The following CAMK2B variants were observed in gnomAD, a reference collection of about 807,000 sequenced individuals.
CAMK2B encodes the protein calcium/calmodulin dependent protein kinase II beta, also known as calcium/calmodulin-dependent protein kinase type II subunit beta.
In CAMK2B, 27 loss-of-function variants were observed where a neutral mutation model predicts 93.7. That is an observed-to-expected ratio of 0.29 (90% CI 0.21 to 0.40). CAMK2B has a LOEUF of 0.40. CAMK2B is among the 10% of genes least tolerant of loss of function. The pLI, the probability that CAMK2B is intolerant of heterozygous loss-of-function variation, is 1.00. For missense variants in CAMK2B, 568 were observed against 895.8 expected (o/e 0.63, Z 4.67); for synonymous variants, 374 against 358.8 (o/e 1.04, Z -0.48).
rs566497132 is a variant in CAMK2B at position 44,286,757 on chromosome 7, G to A, written c.66-2532C>T. Reference sequence around the variant, plus strand: ...TAGGTCGGAGCAGTCAGCAATCGGGGAAGGCGGGGGCAGGGAACACAGGTA... The same window carrying A: ...TAGGTCGGAGCAGTCAGCAATCGGGAAAGGCGGGGGCAGGGAACACAGGTA... On this transcript the variant is annotated intron_variant, in intron 1 of 23. Coordinates refer to ENST00000395749, the MANE Select transcript of CAMK2B (RefSeq NM_001220.5). This position sits in a 1 kb window ranked among gnomAD's most constrained non-coding sequence, Gnocchi z 4.0. Among the ~76,000 whole-genome samples the A allele has an allele frequency of 5.9e-5, 9 of 152,240 alleles. No individual in the cohort carries two copies. Among genetic ancestry groups the A allele is most frequent in the Non-Finnish European group, 1.2e-4 (8 of 68,038 alleles).
Position 44,271,434 on chromosome 7 carries a change from C to A in CAMK2B, c.161-8370G>T, listed in dbSNP as rs2096973415. On this transcript the variant is annotated intron_variant, in intron 2 of 23. Transcript: ENST00000395749. This position sits in a 1 kb window ranked among gnomAD's most constrained non-coding sequence, Gnocchi z 4.2. ...CCAGAACCTGATAGGACATCCTGGG[C>A]CTTGACACCAGGCCAGTGGGGTCTG... 6.6e-6 allele frequency among the ~76,000 whole-genome samples: 1 copy of A among 152,184 alleles called. No homozygotes were observed. Among genetic ancestry groups the A allele is most frequent in the Non-Finnish European group, 1.5e-5 (1 of 68,040 alleles).
At position 44,239,628 on chromosome 7, in the gene CAMK2B, T is replaced by C. The variant is rs1204418539; in HGVS notation, c.982A>G (p.Thr328Ala). 4.6e-6 allele frequency: 7 copies of C among 1,537,306 alleles called. No individual in the cohort carries two copies. The highest frequency in any genetic ancestry group is 1.2e-5 in the South Asian group (1 of 83,642). Residue 328 changes from threonine to alanine, a missense_variant, in exon 13 of 24, where the codon ACC becomes GCC. Physicochemically the swap from Thr to Ala is moderately conservative, Grantham distance 58 (BLOSUM62 0). Transcript: ENST00000395749. ...CCCATGGTGGTGCCGGAGGCCGCGG[T>C]GGACATTGTGGCCGGAGCGGTGGTC... ...RQTTAPATMS[T>A]AASGTTMGLV...
intron 1 of CAMK2B, among the ~76,000 whole-genome samples, chr7:44,285,469 C>A (rs1784795445): frequency 6.6e-6 from 1 of 152,178 alleles, no homozygotes; most frequent in South Asian, 2.1e-4. Context: ...AGCCTCCCCT[C>A]CCAGAAAGCT....
intron 1 of CAMK2B, among the ~76,000 whole-genome samples, chr7:44,290,340 C>G (rs1207946579): frequency 6.6e-6 from 1 of 152,266 alleles, no homozygotes; most frequent in Admixed American, 6.5e-5. Context: ...TCCCTAGTAG[C>G]AAGCACAGCC....
chr7:44,220,550 G>T, intron 22 of CAMK2B, 66 bp downstream of exon 22: 1 of 1,377,158 alleles, frequency 7.3e-7, no homozygotes, highest in African/African-American at 1.4e-5. Context: ...TGCTGTCCCT[G>T]GGAGGGGCCG....
intron 6 of CAMK2B, among the ~76,000 whole-genome samples, 179 bp downstream of exon 6, chr7:44,246,941 T>A (rs565636685): frequency 6.6e-6 from 1 of 151,550 alleles, no homozygotes. Context: ...TGCACACACA[T>A]ACACATGCAC....
chr7:44,278,933 C>T (rs1584527240), intron 2 of CAMK2B, among the ~76,000 whole-genome samples: 1 of 152,188 alleles, frequency 6.6e-6, no homozygotes, highest in Non-Finnish European at 1.5e-5. Flanking sequence ...TACAGCGGGG[C>T]CCCCGGGGTG....
At chr7:44,323,544 G>C (rs1056664149) in intron 1 of CAMK2B, among the ~76,000 whole-genome samples, 3 of 152,226 alleles carry the variant, frequency 2.0e-5, no homozygotes, top group African/African-American at 7.2e-5. Flanking sequence ...CGGGGAGCTG[G>C]CCACCCGGAC....
rs889768205 is a variant in CAMK2B at position 44,312,402 on chromosome 7, C to T, written c.65+12955G>A. ...AGAGCTAGGGACAAGCCACCGAGTA[C>T]CTGGGAGGGCAGGAGAAGGAGGGCC... On this transcript the variant is annotated intron_variant, in intron 1 of 23. Transcript: ENST00000395749. The surrounding 1 kb of genome is among the most constrained non-coding windows in gnomAD (Gnocchi z 4.1). Among the ~76,000 whole-genome samples the T allele has an allele frequency of 2.0e-5, 3 of 151,990 alleles. No individual in the cohort carries two copies. Among genetic ancestry groups the T allele is most frequent in the Non-Finnish European group, 4.4e-5 (3 of 68,006 alleles).
intron 1 of CAMK2B, among the ~76,000 whole-genome samples, chr7:44,288,083 G>A (rs1785635985): frequency 6.6e-6 from 1 of 152,140 alleles, no homozygotes; most frequent in East Asian, 1.9e-4. Flanking sequence ...CCCCTAGAGT[G>A]TCCCAGCAGG....
chr7:44,228,059 TG>T (rs2096536676), intron 19 of CAMK2B, among the ~76,000 whole-genome samples: 1 of 151,152 alleles, frequency 6.6e-6, no homozygotes, highest in South Asian at 2.1e-4. Flanking sequence ...TCGGGTGGCG[TG>T]GGCTGAAGCT....
intron 4 of CAMK2B, among the ~76,000 whole-genome samples, chr7:44,256,742 C>T (rs781575114): frequency 2.0e-5 from 3 of 152,236 alleles, no homozygotes; most frequent in Admixed American, 6.5e-5. Context: ...AGAGTCGCTC[C>T]AAGGGGTGCC....
At chr7:44,233,358 C>CTA (rs2096597548) in intron 15 of CAMK2B, among the ~76,000 whole-genome samples, 1 of 152,134 alleles carries the variant, frequency 6.6e-6, no homozygotes, top group South Asian at 2.1e-4. Flanking sequence ...CACTGGAAGG[C>CTA]CCTAGGTAGG....
intron 5 of CAMK2B, among the ~76,000 whole-genome samples, chr7:44,251,923 C>T (rs1362782338): frequency 1.3e-5 from 2 of 152,174 alleles, no homozygotes; most frequent in African/African-American, 4.8e-5. Context: ...CCTGAGGCTG[C>T]TCCAGACCTC....
intron 4 of CAMK2B, 24 bp from the exon 5 acceptor site, chr7:44,254,631 C>T (rs764545274): frequency 3.1e-6 from 5 of 1,588,952 alleles, no homozygotes; most frequent in Non-Finnish European, 4.3e-6. Flanking sequence ...ATGAAGGGGT[C>T]ACAGATTCTG....
intron 3 of CAMK2B, among the ~76,000 whole-genome samples, chr7:44,262,714 A>T (rs1043806714): frequency 1.4e-4 from 22 of 152,134 alleles, no homozygotes; most frequent in African/African-American, 5.1e-4. Context: ...CCCAAAGGAC[A>T]GAGTGGGATG....
At chr7:44,297,240 T>C (rs1013113115) in intron 1 of CAMK2B, among the ~76,000 whole-genome samples, 11 of 152,106 alleles carry the variant, frequency 7.2e-5, no homozygotes, top group African/African-American at 2.4e-4. Context: ...CTTGGGTTAG[T>C]TGTAAATGTA....
intron 4 of CAMK2B, among the ~76,000 whole-genome samples, chr7:44,255,980 C>A (rs1256353509): frequency 6.7e-6 from 1 of 149,608 alleles, no homozygotes; most frequent in Non-Finnish European, 1.5e-5. Flanking sequence ...TGTTCCCTTT[C>A]CTTTCCCCAT....
At chr7:44,239,006 GAGGACTTTGC>G (rs1180273010) in intron 13 of CAMK2B, among the ~76,000 whole-genome samples, 1 of 152,226 alleles carries the variant, frequency 6.6e-6, no homozygotes, top group East Asian at 1.9e-4. Context: ...GCCAGGGGAG[GAGGACTTTGC>G]AGAAACAACC....
Sources: gnomAD v4.1 joint callset for allele counts (sites outside exome capture counted in the v4.1 genomes callset) on GRCh38, gnomAD v4.1.1 for gene constraint, Gnocchi (gnomAD v3.1) non-coding constraint, MANE v1.5 for transcripts, NCBI Gene and HGNC (gene_info 2026-07-23, HGNC 2026-07-21) for gene names.